The following OLFM3 variants were observed in gnomAD, a reference collection of about 807,000 sequenced individuals.
OLFM3 encodes noelin-3.
A neutral mutation model predicts 48.6 loss-of-function variants in OLFM3; 20 were observed. The observed-to-expected ratio is 0.41, with a 90% CI of 0.29 to 0.60. The LOEUF (loss-of-function observed/expected upper bound fraction) is 0.60. Among genes scored for constraint, OLFM3 ranks in the 20% least tolerant of loss-of-function variants. OLFM3 has a pLI of 0.28. For synonymous variants in OLFM3, 222 were observed against 198.1 expected (o/e 1.12, Z -1.01); for missense variants, 437 against 544.3 (o/e 0.80, Z 1.96).
At chr1:101,950,208 T>G (rs1162732704) in intron 1 of OLFM3, among the ~76,000 whole-genome samples, 1 of 152,118 alleles carries the variant, frequency 6.6e-6, no homozygotes, top group East Asian at 1.9e-4. Flanking sequence ...TGGTGTTCCT[T>G]GAACTCACCA....
In OLFM3 at chr1:101,961,754, T is replaced by C. The variant is rs145546560; in HGVS notation, c.69+34994A>G. On this transcript the variant is annotated intron_variant, in intron 1 of 5. Coordinates refer to ENST00000370103, the MANE Select transcript of OLFM3 (RefSeq NM_058170.4). ...AATATGTTTTCATGACTGAAAGATA[T>C]AACTTATGAAGTTATTCAGGACACT... 8.9e-4 allele frequency among the ~76,000 whole-genome samples: 135 copies of C among 152,286 alleles called. 3 individuals are homozygous for C. In the East Asian group the frequency reaches 0.021, roughly 23 times the overall value.
At chr1:101,979,918 C>CT (rs1661061425) in intron 1 of OLFM3, among the ~76,000 whole-genome samples, 1 of 152,206 alleles carries the variant, frequency 6.6e-6, no homozygotes, top group South Asian at 2.1e-4. Context: ...TGGAGCTTCC[C>CT]AAGGCCATGG....
chr1:101,907,878 A>AT (rs34006712), intron 1 of OLFM3, among the ~76,000 whole-genome samples: 1 of 152,046 alleles, frequency 6.6e-6, no homozygotes, highest in Non-Finnish European at 1.5e-5. Context: ...AAAACGTATA[A>AT]TTTTTTCCAG....
chr1:101,945,705 T>C (rs893002377), intron 1 of OLFM3, among the ~76,000 whole-genome samples: 2 of 152,066 alleles, frequency 1.3e-5, no homozygotes, highest in Non-Finnish European at 2.9e-5. Context: ...CATAGCACTT[T>C]GAAAGGCCAA....
chr1:101,830,607 C>T, intron 3 of OLFM3, 65 bp downstream of exon 3: 3 of 1,542,316 alleles, frequency 1.9e-6, no homozygotes, highest in Non-Finnish European at 9.0e-7. Flanking sequence ...AGCTGAGTGC[C>T]CCACTGCTGT....
At chr1:101,962,840 T>C (rs1441122950) in intron 1 of OLFM3, among the ~76,000 whole-genome samples, 2 of 152,190 alleles carry the variant, frequency 1.3e-5, no homozygotes, top group Non-Finnish European at 2.9e-5. Flanking sequence ...CTGCCAAAGT[T>C]GATGGTCCAG....
chr1:101,959,169 A>G (rs1660392744), intron 1 of OLFM3, among the ~76,000 whole-genome samples: 1 of 152,088 alleles, frequency 6.6e-6, no homozygotes, highest in Non-Finnish European at 1.5e-5. Flanking sequence ...GCTGCAATGC[A>G]TGCAGGCATA....
intron 1 of OLFM3, among the ~76,000 whole-genome samples, chr1:101,858,588 C>T (rs1489241817): frequency 6.6e-6 from 1 of 151,860 alleles, no homozygotes; most frequent in South Asian, 2.1e-4. Flanking sequence ...GGAGGAGGGG[C>T]CTGGTGGGAG....
intron 1 of OLFM3, among the ~76,000 whole-genome samples, chr1:101,910,469 T>C (rs1281406162): frequency 1.4e-4 from 14 of 96,920 alleles, no homozygotes; most frequent in Non-Finnish European, 2.3e-4. Flanking sequence ...CCGTCTCAAC[T>C]GAAAAAAAAA....
chr1:101,993,173 T>A (rs879003572), intron 1 of OLFM3, among the ~76,000 whole-genome samples: 2 of 152,266 alleles, frequency 1.3e-5, no homozygotes, highest in South Asian at 2.1e-4. Context: ...AGTGTCAATG[T>A]TGTGTTTGAA....
At chr1:101,866,330 A>G (rs1656853625) in intron 1 of OLFM3, among the ~76,000 whole-genome samples, 1 of 152,164 alleles carries the variant, frequency 6.6e-6, no homozygotes, top group African/African-American at 2.4e-5. Context: ...TGCTTTAAAT[A>G]TATCCATTCT....
intron 1 of OLFM3, among the ~76,000 whole-genome samples, chr1:101,901,401 G>A (rs182855219): frequency 6.6e-6 from 1 of 152,166 alleles, no homozygotes; most frequent in African/African-American, 2.4e-5. Context: ...GAAACAATGA[G>A]TACTGTACAT....
In OLFM3 at chr1:101,806,147, T is replaced by C. The variant is rs1173991511; in HGVS notation, c.628A>G (p.Thr210Ala). ...GKLMKITGPV[T>A]VKTSGTRFGA... ...AATCGGGTTCCAGATGTCTTGACTG[T>C]AACTGGGCCTGTGATTTTCATCAGT... Residue 210 changes from threonine to alanine, a missense_variant, in exon 5 of 6, where the codon ACA (threonine) becomes GCA (alanine). Thr to Ala is a moderately conservative substitution (Grantham distance 58). Coordinates refer to ENST00000370103, the MANE Select transcript of OLFM3 (RefSeq NM_058170.4). The C allele has an allele frequency of 6.2e-7, 1 of 1,612,148 alleles. No individual in the cohort carries two copies. Among genetic ancestry groups the C allele is most frequent in the Non-Finnish European group, 8.5e-7 (1 of 1,178,710 alleles).
intron 1 of OLFM3, among the ~76,000 whole-genome samples, chr1:101,970,951 G>A: frequency 1.1e-5 from 1 of 87,184 alleles, no homozygotes; most frequent in South Asian, 3.5e-4. Context: ...TAAAATGCAC[G>A]TAGCTGAGTG....
chr1:101,836,955 C>A lies in OLFM3; in HGVS notation c.140G>T (p.Cys47Phe). 2 of 1,614,154 alleles carry A rather than the reference C, an allele frequency of 1.2e-6. No individual in the cohort carries two copies. Among genetic ancestry groups the A allele is most frequent in the Non-Finnish European group, 8.5e-7 (1 of 1,179,992 alleles). The change falls in exon 2 of 6, where the codon TGC becomes TTC. Residue 47 changes from cysteine to phenylalanine, a missense_variant. By Grantham distance (205) the Cys-to-Phe change is radical (BLOSUM62 -2). Coordinates refer to ENST00000370103, the MANE Select transcript of OLFM3 (RefSeq NM_058170.4). ...SAQDPDGRCI[C>F]TVVAPEQNLC... ...GTTTTGTTCTGGAGCAACAACTGTG[C>A]AAATGCACCGCCCATCAGGATCCTG...
intron 1 of OLFM3, among the ~76,000 whole-genome samples, chr1:101,947,845 G>A (rs1274239061): frequency 1.3e-5 from 2 of 152,076 alleles, no homozygotes; most frequent in Admixed American, 6.6e-5. Context: ...TAACTTATAT[G>A]AGCTTTTTCA....
At chr1:101,919,368 C>T (rs1659023269) in intron 1 of OLFM3, among the ~76,000 whole-genome samples, 1 of 151,898 alleles carries the variant, frequency 6.6e-6, no homozygotes, top group Admixed American at 6.6e-5. Flanking sequence ...CTATTTTAGT[C>T]ATATTTTGCT....
At chr1:101,868,230 C>T (rs1656933599) in intron 1 of OLFM3, among the ~76,000 whole-genome samples, 1 of 152,148 alleles carries the variant, frequency 6.6e-6, no homozygotes, top group Admixed American at 6.5e-5. Context: ...AATTGGGTAA[C>T]AGCCAGAAGT....
At chr1:101,904,149 G>A (rs1353397597) in intron 1 of OLFM3, among the ~76,000 whole-genome samples, 1 of 152,056 alleles carries the variant, frequency 6.6e-6, no homozygotes, top group Admixed American at 6.5e-5. Context: ...CCAAGTTATA[G>A]TTCTTTATAT....
Sources: allele counts gnomAD v4.1 joint callset (sites outside exome capture counted in the v4.1 genomes callset), GRCh38; gene constraint gnomAD v4.1.1; transcripts MANE v1.5; gene names NCBI Gene and HGNC (gene_info 2026-07-23, HGNC 2026-07-21).